Variants in SUPT5H observed in about 807,000 individuals in gnomAD.
SUPT5H encodes transcription elongation factor SPT5.
Under a neutral mutation model 142.5 loss-of-function variants are expected in SUPT5H, and 24 were observed. That is an observed-to-expected ratio of 0.17 (90% CI 0.12 to 0.24). The LOEUF is 0.24. SUPT5H is among the 10% of genes least tolerant of loss of function. The probability of loss-of-function intolerance (pLI) is 1.00; values close to 1 mark genes in which losing one functional copy is unlikely to be tolerated. For missense variants in SUPT5H, 893 were observed against 1,471.8 expected, an observed-to-expected ratio of 0.61 and a Z score of 6.43; for synonymous variants, 546 against 553.0, an observed-to-expected ratio of 0.99 and a Z score of 0.18.
chr19:39,454,353 GTTGT>G (rs143288653), intron 3 of SUPT5H, among the ~76,000 whole-genome samples: 52,434 of 140,376 alleles, frequency 0.37, 9,130 homozygotes, highest in African/African-American at 0.49. Context: ...TGTTGTTGTC[GTTGT>G]TTTTTTTTTT....
At position 39,476,668 on chromosome 19, in the gene SUPT5H, A is replaced by T; in HGVS notation, c.*269A>T. The stretch of plus-strand genomic sequence containing the variant: ...CAATAAAAAGAAGCTGTTTGGTCTA[A>T]AAGTGCGTGTGTGTGTGTGTGTGTG... On this transcript the variant is annotated 3_prime_UTR_variant, in exon 30 of 30. Transcript: ENST00000432763. 2.2e-6 allele frequency: 1 copy of T among 460,872 alleles called. No homozygotes were observed. The allele number at this position is 460,872 out of a possible 1,614,324, so 28.5% of individuals were successfully genotyped here. A position where few individuals can be genotyped will look rare whatever the true frequency, so the allele number is the denominator to read the frequency against.
rs116204618 is a variant in SUPT5H, at chr19:39,471,219, G to T, written c.1678-138G>T. 8 of 1,051,150 alleles carry T rather than the reference G, an allele frequency of 7.6e-6. No homozygotes were observed. The East Asian group carries it at 2.0e-4, about 27-fold the overall frequency. The allele number at this position is 1,051,150 out of a possible 1,614,324, so 65.1% of individuals were successfully genotyped here. A position where few individuals can be genotyped will look rare whatever the true frequency, so the allele number is the denominator to read the frequency against. On this transcript the variant is annotated intron_variant, in intron 18 of 29. Coordinates refer to ENST00000432763, the MANE Select transcript of SUPT5H (RefSeq NM_001111020.3). Reference sequence around the variant, plus strand: ...GGGTGGCACTCTGCCTGCCTGCCCCGCAGCCAGGGAATTGAGATGCCTTGT... The same window carrying T: ...GGGTGGCACTCTGCCTGCCTGCCCCTCAGCCAGGGAATTGAGATGCCTTGT...
chr19:39,474,769 C>A lies in SUPT5H; in HGVS notation c.3024+51C>A. 6.5e-7 allele frequency: 1 copy of A among 1,547,302 alleles called. No homozygotes were observed. The highest frequency in any genetic ancestry group is 8.8e-7 in the Non-Finnish European group (1 of 1,141,836). On this transcript the variant is annotated intron_variant, in intron 28 of 29. Coordinates refer to ENST00000432763, the MANE Select transcript of SUPT5H (RefSeq NM_001111020.3). The surrounding 1 kb of genome is among the most constrained non-coding windows in gnomAD (Gnocchi z 6.5). ...GAGCAGGCATCCTCTCCTTGGTACC[C>A]CCTAAACTGGAGACAGACCTGTCCC...
chr19:39,446,026 G>C (rs1249431023), intron 2 of SUPT5H, 61 bp downstream of exon 2: 1 of 1,558,160 alleles, frequency 6.4e-7, no homozygotes, highest in African/African-American at 1.3e-5. Context: ...GGGCAGAAAG[G>C]CCCCTGTGGG....
intron 2 of SUPT5H, among the ~76,000 whole-genome samples, chr19:39,450,761 A>G (rs930073365): frequency 6.6e-6 from 1 of 152,162 alleles, no homozygotes; most frequent in African/African-American, 2.4e-5. Flanking sequence ...TTTAGTGAGA[A>G]TATTTCCTTT....
chr19:39,462,573 C>G (rs1010269463), intron 10 of SUPT5H, among the ~76,000 whole-genome samples: 1 of 151,998 alleles, frequency 6.6e-6, no homozygotes, highest in Non-Finnish European at 1.5e-5. Flanking sequence ...TCTTCTTGCC[C>G]AGGCTAGAAT....
chr19:39,459,885 C>G lies in SUPT5H; in HGVS notation c.556-7C>G. ...CATCTCTCTCAAATCTGCCTCTCAT[C>G]TTCCAGATTGGGGAGGAACGGGCCA... On this transcript the variant is annotated splice_region_variant and splice_polypyrimidine_tract_variant and intron_variant, in intron 9 of 29. Transcript: ENST00000432763. The G allele has an allele frequency of 6.2e-7, 1 of 1,614,124 alleles. No homozygotes were observed.
Position 39,458,255 on chromosome 19 carries a change from ACCACCACCACCACCACCACCT to A in SUPT5H, c.308-36_308-16del, listed in dbSNP as rs2079116945. ...GCCCACCACCACCACCACCACCACC[ACCACCACCACCACCACCACCT>A]CCTCTTCCTCCAAGTAGAAGAGATT... On this transcript the variant is annotated intron_variant, in intron 4 of 29. Coordinates refer to ENST00000432763, the MANE Select transcript of SUPT5H (RefSeq NM_001111020.3). This position sits in a 1 kb window ranked among gnomAD's most constrained non-coding sequence, Gnocchi z 4.2. The A allele has an allele frequency of 4.0e-6, 3 of 747,728 alleles. No homozygotes were observed. The highest frequency in any genetic ancestry group is 6.4e-6 in the Non-Finnish European group (3 of 468,050). The allele number at this position is 747,728 out of a possible 1,614,324, so 46.3% of individuals were successfully genotyped here.
chr19:39,459,386 G>T lies in SUPT5H; in HGVS notation c.524+137G>T, dbSNP rs1300912146. ...TGTGGTGGATGGCAGGGGTAGGGAG[G>T]GCAAGGTGGCACTTTCTCTTTCCTC... On this transcript the variant is annotated intron_variant, in intron 8 of 29. Coordinates refer to ENST00000432763, the MANE Select transcript of SUPT5H (RefSeq NM_001111020.3). 6.0e-6 allele frequency: 8 copies of T among 1,331,314 alleles called. No individual in the cohort carries two copies. The Admixed American group carries it at 1.3e-4, about 22-fold the overall frequency. The allele number at this position is 1,331,314 out of a possible 1,614,324, so 82.5% of individuals were successfully genotyped here.
rs569593397 is a variant in SUPT5H at position 39,445,592 on chromosome 19, C to A, written c.-133C>A. 4 of 407,238 alleles carry A rather than the reference C, an allele frequency of 9.8e-6. No individual in the cohort carries two copies. In the East Asian group the frequency reaches 1.2e-4, roughly 13 times the overall value. The allele number at this position is 407,238 out of a possible 1,614,324, so 25.2% of individuals were successfully genotyped here. A position where few individuals can be genotyped will look rare whatever the true frequency, so the allele number is the denominator to read the frequency against. On this transcript the variant is annotated 5_prime_UTR_variant, in exon 1 of 30. Transcript: ENST00000432763. ...GGACCCGTCAGCCCCAGTCAGGCGT[C>A]GTGCGAACAGCAGCTGGTACCGAAG...
chr19:39,455,801 T>G (rs964485005), intron 3 of SUPT5H, among the ~76,000 whole-genome samples: 1 of 150,984 alleles, frequency 6.6e-6, no homozygotes, highest in African/African-American at 2.4e-5. Context: ...TTTTGTATTT[T>G]TAGTAGAGAC....
chr19:39,459,274 C>A (rs754018692), intron 8 of SUPT5H, 25 bp downstream of exon 8: 2 of 1,554,824 alleles, frequency 1.3e-6, no homozygotes, highest in Non-Finnish European at 1.7e-6. Context: ...ATGGTGGGGG[C>A]CGTGCTGGGG....
intron 14 of SUPT5H, 87 bp from the exon 15 acceptor site, chr19:39,468,992 C>G: frequency 1.3e-6 from 2 of 1,553,218 alleles, no homozygotes; most frequent in South Asian, 2.2e-5. Context: ...AGAATTATTC[C>G]CCTAGGACCC....
In SUPT5H at chr19:39,469,968, T is replaced by G. The variant is rs1600721588; in HGVS notation, c.1375-151T>G. 1 of 1,001,564 alleles carries G rather than the reference T, an allele frequency of 1.0e-6. No individual in the cohort carries two copies. The highest frequency in any genetic ancestry group is 1.6e-5 in the South Asian group (1 of 60,944). The allele number at this position is 1,001,564 out of a possible 1,614,324, so 62.0% of individuals were successfully genotyped here. A position where few individuals can be genotyped will look rare whatever the true frequency, so the allele number is the denominator to read the frequency against. On this transcript the variant is annotated intron_variant, in intron 16 of 29. Transcript: ENST00000432763. The surrounding 1 kb of genome is among the most constrained non-coding windows in gnomAD (Gnocchi z 5.1). The stretch of plus-strand genomic sequence containing the variant: ...GCTGTTTCTGGGGCAGTCTGAGGGG[T>G]CGTCCAGGTGGACTAAGGTAGTCTG...
At chr19:39,448,733 T>C (rs941665332) in intron 2 of SUPT5H, among the ~76,000 whole-genome samples, 1 of 152,034 alleles carries the variant, frequency 6.6e-6, no homozygotes, top group Non-Finnish European at 1.5e-5. Flanking sequence ...TGGCAAATAA[T>C]GAGCTACTTT....
chr19:39,460,722 G>C (rs1353053177), intron 10 of SUPT5H, among the ~76,000 whole-genome samples: 1 of 152,176 alleles, frequency 6.6e-6, no homozygotes, highest in Non-Finnish European at 1.5e-5. Flanking sequence ...CAAAAAAAAG[G>C]ATTAGGTGGC....
chr19:39,469,439 G>C lies in SUPT5H; in HGVS notation c.1374+41G>C. ...TCTCGGGCAGGGGTTGGAGTGTTCA[G>C]GCACATCTGACTGTATGTGGCTGTC... On this transcript the variant is annotated intron_variant, in intron 16 of 29. Transcript: ENST00000432763. This position sits in a 1 kb window ranked among gnomAD's most constrained non-coding sequence, Gnocchi z 5.1. The C allele has an allele frequency of 1.2e-6, 2 of 1,613,724 alleles. No individual in the cohort carries two copies. Among genetic ancestry groups the C allele is most frequent in the Non-Finnish European group, 1.7e-6 (2 of 1,179,806 alleles).
chr19:39,453,028 AAGAG>A (rs1305208570), intron 2 of SUPT5H, among the ~76,000 whole-genome samples: 37 of 141,286 alleles, frequency 2.6e-4, no homozygotes, highest in Non-Finnish European at 5.3e-4. Flanking sequence ...AAAAAAAAAA[AAGAG>A]AGAGAAAGAA....
chr19:39,473,579 G>A lies in SUPT5H; in HGVS notation c.2492+58G>A. The A allele has an allele frequency of 6.5e-7, 1 of 1,549,828 alleles. No homozygotes were observed. Reference sequence around the variant, plus strand: ...GCTGGTGTGTGTGAGGGATGATGCTGGGTGTCTGGGGCATTGGAGGGGTTT... The same window carrying A: ...GCTGGTGTGTGTGAGGGATGATGCTAGGTGTCTGGGGCATTGGAGGGGTTT... On this transcript the variant is annotated intron_variant, in intron 25 of 29. Coordinates refer to ENST00000432763, the MANE Select transcript of SUPT5H (RefSeq NM_001111020.3). The surrounding 1 kb of genome is among the most constrained non-coding windows in gnomAD (Gnocchi z 5.8).
Sources: allele counts gnomAD v4.1 joint callset (sites outside exome capture counted in the v4.1 genomes callset), GRCh38; gene constraint gnomAD v4.1.1; non-coding constraint Gnocchi (gnomAD v3.1); transcripts MANE v1.5; gene names NCBI Gene and HGNC (gene_info 2026-07-23, HGNC 2026-07-21).